Variants in HIBCH observed in about 807,000 individuals in gnomAD.
HIBCH encodes 3-hydroxyisobutyryl-CoA hydrolase, mitochondrial.
HIBCH carries 50 observed loss-of-function variants against 58.2 expected under a neutral mutation model. The ratio of observed to expected loss-of-function variants is 0.86; its 90% CI spans 0.68 to 1.09. The LOEUF (loss-of-function observed/expected upper bound fraction) is 1.09. Among genes scored for constraint, HIBCH ranks in the 50% least tolerant of loss-of-function variants. The probability of loss-of-function intolerance (pLI) is 0.00; values close to 1 mark genes in which losing one functional copy is unlikely to be tolerated. For synonymous variants in HIBCH, 151 were observed against 146.9 expected, an observed-to-expected ratio of 1.03 and a Z score of -0.20; for missense variants, 450 against 449.7, an observed-to-expected ratio of 1.00 and a Z score of -0.01.
chr2:190,311,373 T>C (rs1455920062), intron 1 of HIBCH, among the ~76,000 whole-genome samples: 1 of 152,214 alleles, frequency 6.6e-6, no homozygotes, highest in Non-Finnish European at 1.5e-5. Context: ...ATGTCCTTAT[T>C]ATTTGTCAAA....
Position 190,281,480 on chromosome 2 carries a change from T to C in HIBCH, c.438+6106A>G, listed in dbSNP as rs1255470911. 2.0e-5 allele frequency among the ~76,000 whole-genome samples: 3 copies of C among 152,020 alleles called. No homozygotes were observed. The highest frequency in any genetic ancestry group is 4.4e-5 in the Non-Finnish European group (3 of 67,994). On this transcript the variant is annotated intron_variant, in intron 6 of 13. Coordinates refer to ENST00000359678, the MANE Select transcript of HIBCH (RefSeq NM_014362.4). This position sits in a 1 kb window ranked among gnomAD's most constrained non-coding sequence, Gnocchi z 5.4. Reference sequence around the variant, plus strand: ...GCCCAAGTCCATCACCCAAAACCATTTGTGCCAGAGCTCTGGGCCTGTGAT... The same window carrying C: ...GCCCAAGTCCATCACCCAAAACCATCTGTGCCAGAGCTCTGGGCCTGTGAT...
In HIBCH at chr2:190,244,899, T is replaced by C; in HGVS notation, c.879A>G (p.Leu293=). 1.2e-6 allele frequency: 2 copies of C among 1,608,180 alleles called. No individual in the cohort carries two copies. The highest frequency in any genetic ancestry group is 1.7e-6 in the Non-Finnish European group (2 of 1,174,550). The change falls in exon 11 of 14, where the codon CTA becomes CTG. Residue 293 remains leucine, a synonymous_variant. Coordinates refer to ENST00000359678, the MANE Select transcript of HIBCH (RefSeq NM_014362.4). ...ATTCCAATATTACCTTCAATTGCTCTAGGGCAAAAGATGAACCATCTTGCT... is the reference window on the plus strand; with the variant it reads ...ATTCCAATATTACCTTCAATTGCTCCAGGGCAAAAGATGAACCATCTTGCT... ...NLQQDGSSFA[L]EQLKVINKMS... is the part of the protein sequence containing the mutation.
downstream of HIBCH, chr2:190,199,876 T>G (rs1387083501): frequency 1.2e-6 from 2 of 1,613,570 alleles, no homozygotes; most frequent in South Asian, 2.2e-5. Flanking sequence ...CTGCATGAAA[T>G]CAAAGCAAAC....
chr2:190,238,724 A>G (rs1686358945), intron 11 of HIBCH, among the ~76,000 whole-genome samples: 1 of 152,188 alleles, frequency 6.6e-6, no homozygotes, highest in South Asian at 2.1e-4. Flanking sequence ...TGGCCCCCCA[A>G]AGTGCTGGGA....
intron 6 of HIBCH, among the ~76,000 whole-genome samples, chr2:190,266,255 A>C (rs1687231597): frequency 6.6e-6 from 1 of 152,232 alleles, no homozygotes; most frequent in South Asian, 2.1e-4. Context: ...GGTCAAGCTT[A>C]TTAAACAATT....
At chr2:190,226,413 T>G (rs1371434936) in intron 11 of HIBCH, among the ~76,000 whole-genome samples, 4 of 152,054 alleles carry the variant, frequency 2.6e-5, no homozygotes, top group African/African-American at 9.7e-5. Flanking sequence ...CTGACCAACA[T>G]GGAGAAACAC....
Position 190,197,692 on chromosome 2 carries a change from A to C in HIBCH, c.*17+7408T>G, listed in dbSNP as rs1690044467. On this transcript the variant is annotated intron_variant, in intron 1 of 1. Transcript: ENST00000399855. This position sits in a 1 kb window ranked among gnomAD's most constrained non-coding sequence, Gnocchi z 4.0. ...GTGTTTTTCTTCTCTCAGGGATCAC[A>C]ATCCAGTGTTGCTTGTTGCTCTATG... Among the ~76,000 whole-genome samples, 1 of 152,212 alleles carries C rather than the reference A, an allele frequency of 6.6e-6. No homozygotes were observed. Among genetic ancestry groups the C allele is most frequent in the African/African-American group, 2.4e-5 (1 of 41,448 alleles).
chr2:190,294,612 C>G lies in HIBCH; in HGVS notation c.238G>C (p.Glu80Gln), dbSNP rs200185893. The change falls in exon 4 of 14, where the codon GAA (glutamate) becomes CAA (glutamine). Residue 80 changes from glutamate to glutamine, a missense_variant. Glu to Gln is a conservative substitution (Grantham distance 29). Transcript: ENST00000359678. The part of the protein sequence containing the change: ...PQLKKWEQDP[E>Q]TFLIIIKGAG... ...CCCTTTATAATGATCAGGAAAGTTTCAGGATCTTGTTCCCACTTCTATTCA... is the reference window on the plus strand; with the variant it reads ...CCCTTTATAATGATCAGGAAAGTTTGAGGATCTTGTTCCCACTTCTATTCA... The G allele has an allele frequency of 9.0e-5, 145 of 1,612,046 alleles. No individual in the cohort carries two copies. The highest frequency in any genetic ancestry group is 3.8e-4 in the Middle Eastern group (2 of 5,314).
intron 11 of HIBCH, among the ~76,000 whole-genome samples, chr2:190,225,314 T>C (rs1019955558): frequency 1.3e-5 from 2 of 152,132 alleles, no homozygotes; most frequent in East Asian, 3.9e-4. Flanking sequence ...CCCTTCAAAA[T>C]ATCAATGAAT....
In HIBCH at chr2:190,210,141, T is replaced by C. The variant is rs1018606695; in HGVS notation, c.1012-1228A>G. On this transcript the variant is annotated intron_variant, in intron 12 of 13. Transcript: ENST00000359678. The surrounding 1 kb of genome is among the most constrained non-coding windows in gnomAD (Gnocchi z 5.5). ...CCTATTTCACTTTCAAGAGTATTCA[T>C]CTACACATATTCTCTCCACTTCTTC... Among the ~76,000 whole-genome samples, 3 of 152,176 alleles carry C rather than the reference T, an allele frequency of 2.0e-5. No homozygotes were observed. Among genetic ancestry groups the C allele is most frequent in the Admixed American group, 6.5e-5 (1 of 15,282 alleles).
chr2:190,286,131 G>A (rs1044084107), intron 6 of HIBCH, among the ~76,000 whole-genome samples: 7 of 151,998 alleles, frequency 4.6e-5, no homozygotes, highest in African/African-American at 1.2e-4. Context: ...CATCAGCCAC[G>A]ACACCCGGAC....
rs765879254 is a variant in HIBCH, at chr2:190,212,963, G to A, written c.1004C>T (p.Ala335Val). The A allele has an allele frequency of 1.3e-5, 21 of 1,610,454 alleles. No individual in the cohort carries two copies. In the East Asian group the frequency reaches 4.0e-4, roughly 31 times the overall value. ...TTTTTTTTAAATTCTTACCATACAA[G>A]CTTGACTTAGCCGATACTCCATAGT... is the stretch of plus-strand genomic sequence containing the variant. ...VLTMEYRLSQ[A>V]CMRGHDFHEG... is the part of the protein sequence containing the mutation. Residue 335 changes from alanine (A) to valine (V), a missense_variant, in exon 12 of 14, where the codon GCT (alanine) becomes GTT (valine). Transcript: ENST00000359678.
intron 6 of HIBCH, among the ~76,000 whole-genome samples, chr2:190,272,836 T>C (rs953356714): frequency 6.6e-6 from 1 of 151,970 alleles, no homozygotes; most frequent in Non-Finnish European, 1.5e-5. Flanking sequence ...TAGATATCCC[T>C]GGGCTAAAGG....
In HIBCH at chr2:190,281,780, G is replaced by C. The variant is rs1687710205; in HGVS notation, c.438+5806C>G. ...AGCTATTAAAAGTAGCCATGCAGCAGCCTGAATGCTTTGCGGATTAGATAG... is the reference window on the plus strand; with the variant it reads ...AGCTATTAAAAGTAGCCATGCAGCACCCTGAATGCTTTGCGGATTAGATAG... On this transcript the variant is annotated intron_variant, in intron 6 of 13. Transcript: ENST00000359678. The surrounding 1 kb of genome is among the most constrained non-coding windows in gnomAD (Gnocchi z 5.4). Among the ~76,000 whole-genome samples the C allele has an allele frequency of 6.6e-6, 1 of 152,116 alleles. No individual in the cohort carries two copies. Among genetic ancestry groups the C allele is most frequent in the African/African-American group, 2.4e-5 (1 of 41,396 alleles).
chr2:190,318,388 A>G (rs1246202436), intron 1 of HIBCH, among the ~76,000 whole-genome samples: 1 of 152,158 alleles, frequency 6.6e-6, no homozygotes, highest in East Asian at 1.9e-4. Context: ...AACACTGTCA[A>G]CCATGGCCCA....
chr2:190,212,367 G>C (rs1208390525), intron 12 of HIBCH, among the ~76,000 whole-genome samples: 1 of 152,078 alleles, frequency 6.6e-6, no homozygotes, highest in Non-Finnish European at 1.5e-5. Flanking sequence ...ATAATAAGAT[G>C]CTTCTTAAGG....
chr2:190,206,520 G>A lies in HIBCH; in HGVS notation c.1046-1288C>T, dbSNP rs886129616. ...TTTTTACTAGAATACATACAAGTTC[G>A]TGCCATGTAGGCAGCTCAGGTTTTG... is the stretch of plus-strand genomic sequence containing the variant. On this transcript the variant is annotated intron_variant, in intron 13 of 13. Transcript: ENST00000359678. The surrounding 1 kb of genome is among the most constrained non-coding windows in gnomAD (Gnocchi z 5.1). Among the ~76,000 whole-genome samples the A allele has an allele frequency of 1.6e-4, 24 of 152,234 alleles. No homozygotes were observed. The highest frequency in any genetic ancestry group is 5.3e-4 in the African/African-American group (22 of 41,516).
intron 6 of HIBCH, chr2:190,280,004 T>C (rs960714198): frequency 1.3e-4 from 20 of 152,392 alleles, no homozygotes; most frequent in African/African-American, 4.8e-4. Flanking sequence ...TGTACTCTTG[T>C]AGCAAAACTG....
In HIBCH at chr2:190,217,537, A is replaced by G. The variant is rs1685592671; in HGVS notation, c.892-4462T>C. 6.6e-6 allele frequency among the ~76,000 whole-genome samples: 1 copy of G among 152,196 alleles called. No individual in the cohort carries two copies. The highest frequency in any genetic ancestry group is 1.5e-5 in the Non-Finnish European group (1 of 68,032). ...ACCTCCTGGGTTAAGGCCATATTTAAGCAGGACTACTAACCTTTCTACTAT... is the reference window on the plus strand; with the variant it reads ...ACCTCCTGGGTTAAGGCCATATTTAGGCAGGACTACTAACCTTTCTACTAT... On this transcript the variant is annotated intron_variant, in intron 11 of 13. Coordinates refer to ENST00000359678, the MANE Select transcript of HIBCH (RefSeq NM_014362.4). This position sits in a 1 kb window ranked among gnomAD's most constrained non-coding sequence, Gnocchi z 4.6.
Sources: allele counts gnomAD v4.1 joint callset (sites outside exome capture counted in the v4.1 genomes callset), GRCh38; gene constraint gnomAD v4.1.1; non-coding constraint Gnocchi (gnomAD v3.1); transcripts MANE v1.5; gene names NCBI Gene and HGNC (gene_info 2026-07-23, HGNC 2026-07-21).